CHN1: variants seen among roughly 807,000 people sequenced by gnomAD.
CHN1 encodes chimerin 1, also known as N-chimaerin.
In CHN1, 37 loss-of-function variants were observed where a neutral mutation model predicts 59.5. The observed-to-expected ratio is 0.62, with a 90% CI of 0.48 to 0.82. The LOEUF (loss-of-function observed/expected upper bound fraction) is 0.82. Ranked by LOEUF, CHN1 falls within the 40% of genes least tolerant of loss-of-function variation. The pLI is 0.00. For missense variants in CHN1, 469 were observed against 571.0 expected, an observed-to-expected ratio of 0.82 and a Z score of 1.82; for synonymous variants, 206 against 200.4, an observed-to-expected ratio of 1.03 and a Z score of -0.24.
At chr2:174,942,339 T>G (rs576119927) in intron 3 of CHN1, among the ~76,000 whole-genome samples, 10 of 152,126 alleles carry the variant, frequency 6.6e-5, no homozygotes, top group African/African-American at 9.7e-5. Flanking sequence ...TTAAAAAGAA[T>G]GAAATCCTGT....
At chr2:174,880,416 T>C (rs1208746044) in intron 5 of CHN1, among the ~76,000 whole-genome samples, 5 of 152,200 alleles carry the variant, frequency 3.3e-5, no homozygotes, top group African/African-American at 1.2e-4. Context: ...CTGTCAAAGA[T>C]TTCTCCACTT....
chr2:174,881,217 CACA>C (rs1168555391), intron 5 of CHN1, among the ~76,000 whole-genome samples: 6 of 152,204 alleles, frequency 3.9e-5, no homozygotes, highest in African/African-American at 1.4e-4. Context: ...TAAAACAGAG[CACA>C]ACAATTAGGC....
At chr2:174,803,576 CTTT>C (rs747404921) in intron 11 of CHN1, among the ~76,000 whole-genome samples, 5 of 152,122 alleles carry the variant, frequency 3.3e-5, no homozygotes, top group Non-Finnish European at 7.4e-5. Context: ...GGTTTTTGTT[CTTT>C]GAGACAGCTC....
intron 1 of CHN1, among the ~76,000 whole-genome samples, chr2:174,986,954 C>G (rs1241628234): frequency 1.3e-5 from 2 of 152,010 alleles, no homozygotes; most frequent in Admixed American, 1.3e-4. Context: ...GCCAGGATGG[C>G]CTCCATCTCC....
intron 1 of CHN1, 34 bp downstream of exon 1, chr2:175,004,860 A>G: frequency 7.4e-7 from 1 of 1,357,938 alleles, no homozygotes; most frequent in Non-Finnish European, 9.6e-7. Context: ...GACGCGGCCC[A>G]CCTGCGGCGG....
intron 5 of CHN1, among the ~76,000 whole-genome samples, chr2:174,892,430 A>G (rs542190138): frequency 1.9e-3 from 294 of 152,310 alleles, no homozygotes; most frequent in Middle Eastern, 6.8e-3. Context: ...TCAGACTGCC[A>G]TCTTGGAAGC....
chr2:174,820,133 G>A (rs1685434099), intron 8 of CHN1, among the ~76,000 whole-genome samples: 1 of 152,024 alleles, frequency 6.6e-6, no homozygotes, highest in Non-Finnish European at 1.5e-5. Flanking sequence ...AAACATACGT[G>A]TGCATGTGTC....
intron 12 of CHN1, among the ~76,000 whole-genome samples, chr2:174,801,449 T>C (rs535146759): frequency 6.6e-6 from 1 of 152,328 alleles, no homozygotes; most frequent in Non-Finnish European, 1.5e-5. Flanking sequence ...TGGCAGAATA[T>C]TGGTATTTCT....
chr2:174,955,402 C>T (rs538167196), intron 1 of CHN1, among the ~76,000 whole-genome samples: 23 of 151,862 alleles, frequency 1.5e-4, no homozygotes, highest in African/African-American at 5.1e-4. Flanking sequence ...AACCAAACGT[C>T]ATATGTTCTC....
chr2:174,984,366 C>CTTT (rs397986749), intron 1 of CHN1, among the ~76,000 whole-genome samples: 31 of 117,146 alleles, frequency 2.6e-4, no homozygotes, highest in African/African-American at 5.0e-4. Flanking sequence ...GTTTTATAAG[C>CTTT]TTTTTTTTTT....
intron 6 of CHN1, among the ~76,000 whole-genome samples, chr2:174,848,198 T>TTAA (rs1293717056): frequency 6.6e-6 from 1 of 152,114 alleles, no homozygotes; most frequent in Non-Finnish European, 1.5e-5. Context: ...AACCATTATT[T>TTAA]TAATTCTCTA....
intron 6 of CHN1, among the ~76,000 whole-genome samples, chr2:174,870,424 C>T (rs1356880874): frequency 6.6e-6 from 1 of 152,148 alleles, no homozygotes; most frequent in Non-Finnish European, 1.5e-5. Flanking sequence ...GGCTCAGAGG[C>T]ATGGCTATTG....
chr2:174,896,148 T>C (rs2105351568), intron 5 of CHN1, among the ~76,000 whole-genome samples: 1 of 152,188 alleles, frequency 6.6e-6, no homozygotes, highest in African/African-American at 2.4e-5. Flanking sequence ...ATATATAAGA[T>C]CTACATATGT....
chr2:174,915,318 T>C (rs1280432851), intron 4 of CHN1, 147 bp from the exon 5 acceptor site: 14 of 657,090 alleles, frequency 2.1e-5, no homozygotes, highest in Non-Finnish European at 3.4e-5. Context: ...TGGGTTTAAC[T>C]ATGCTTGTGT....
chr2:174,849,387 C>T (rs1413995007), intron 6 of CHN1, among the ~76,000 whole-genome samples: 1 of 152,138 alleles, frequency 6.6e-6, no homozygotes, highest in East Asian at 1.9e-4. Flanking sequence ...GAGCAGCTAC[C>T]TAGGGCAGTA....
In CHN1 at chr2:174,989,269, G is replaced by A. The variant is rs558482947; in HGVS notation, c.19+15625C>T. Among the ~76,000 whole-genome samples the A allele has an allele frequency of 3.9e-4, 59 of 152,044 alleles. No individual in the cohort carries two copies. In the South Asian group the frequency reaches 0.011, roughly 30 times the overall value. On this transcript the variant is annotated intron_variant, in intron 1 of 12. Transcript: ENST00000409900. ...CGGGCGCCTGTAATCCCAGCTACTC[G>A]GGAGGCTAAGACAGGAGAATGGCTT...
At chr2:174,847,927 C>A (rs1432902126) in intron 6 of CHN1, among the ~76,000 whole-genome samples, 3 of 151,972 alleles carry the variant, frequency 2.0e-5, no homozygotes, top group Non-Finnish European at 4.4e-5. Flanking sequence ...AATGCAGCAC[C>A]ACTGCCAGGT....
At chr2:174,877,340 C>T (rs1687597463) in intron 6 of CHN1, among the ~76,000 whole-genome samples, 1 of 151,984 alleles carries the variant, frequency 6.6e-6, no homozygotes, top group Non-Finnish European at 1.5e-5. Flanking sequence ...AATCCTCCTC[C>T]TATTCAAGAA....
chr2:174,948,053 A>C (rs1039275567), intron 2 of CHN1, among the ~76,000 whole-genome samples: 1 of 152,196 alleles, frequency 6.6e-6, no homozygotes, highest in Admixed American at 6.5e-5. Flanking sequence ...AGTGTCAATG[A>C]GTATATACTT....
Sources: gnomAD v4.1 joint callset for allele counts (sites outside exome capture counted in the v4.1 genomes callset) on GRCh38, gnomAD v4.1.1 for gene constraint, MANE v1.5 for transcripts, NCBI Gene and HGNC (gene_info 2026-07-23, HGNC 2026-07-21) for gene names.